DCC: variants seen among roughly 807,000 people sequenced by gnomAD.
The protein encoded by DCC is DCC netrin 1 receptor.
Under a neutral mutation model 172.5 loss-of-function variants are expected in DCC, and 58 were observed. That is an observed-to-expected ratio of 0.34 (90% CI 0.27 to 0.42). The LOEUF (loss-of-function observed/expected upper bound fraction) is 0.42, where lower values mean the gene tolerates loss of function less well. Among genes scored for constraint, DCC ranks in the 10% least tolerant of loss-of-function variants. The pLI is 1.00. For missense variants in DCC, 1,740 were observed against 1,791.0 expected, an observed-to-expected ratio of 0.97 and a Z score of 0.51; for synonymous variants, 709 against 644.5, an observed-to-expected ratio of 1.10 and a Z score of -1.52.
At chr18:52,880,801 T>C (rs2039474438) in intron 2 of DCC, among the ~76,000 whole-genome samples, 1 of 152,238 alleles carries the variant, frequency 6.6e-6, no homozygotes, top group African/African-American at 2.4e-5. Flanking sequence ...TTGGCTGTTG[T>C]GAACAGTGCT....
At chr18:53,499,717 C>T (rs1258100650) in intron 27 of DCC, among the ~76,000 whole-genome samples, 1 of 152,100 alleles carries the variant, frequency 6.6e-6, no homozygotes, top group East Asian at 1.9e-4. Context: ...AGGTGCTTTT[C>T]ATCCCTTTGG....
intron 1 of DCC, among the ~76,000 whole-genome samples, chr18:52,427,591 T>C (rs1987472094): frequency 6.6e-6 from 1 of 151,944 alleles, no homozygotes; most frequent in Non-Finnish European, 1.5e-5. Context: ...GGATCATCTG[T>C]TTTTAGGATG....
At chr18:52,357,381 G>A (rs1222322321) in intron 1 of DCC, among the ~76,000 whole-genome samples, 3 of 152,092 alleles carry the variant, frequency 2.0e-5, no homozygotes, top group African/African-American at 2.4e-5. Flanking sequence ...AAGGGACACA[G>A]AACCTAACTG....
intron 7 of DCC, among the ~76,000 whole-genome samples, chr18:53,114,670 T>C (rs973995063): frequency 6.6e-6 from 1 of 151,534 alleles, no homozygotes; most frequent in Non-Finnish European, 1.5e-5. Context: ...TGGTGGGTTA[T>C]TGACATGCAG....
intron 1 of DCC, among the ~76,000 whole-genome samples, chr18:52,456,304 A>G (rs546279069): frequency 1.3e-5 from 2 of 152,292 alleles, no homozygotes; most frequent in South Asian, 4.1e-4. Flanking sequence ...TAATAAATAG[A>G]CATTATATTG....
rs183056199 is a variant in DCC, at chr18:52,746,638, C to T, written c.92-5416C>T. On this transcript the variant is annotated intron_variant, in intron 1 of 28. Coordinates refer to ENST00000442544, the MANE Select transcript of DCC (RefSeq NM_005215.4). ...ATAAAGAGAGCAAGCACAAAGGGAC[C>T]AAGCTTAGAGAAATATTTGTACTAT... 2.7e-3 allele frequency among the ~76,000 whole-genome samples: 416 copies of T among 152,144 alleles called. 1 individual carries two copies. The highest frequency in any genetic ancestry group is 4.5e-3 in the Non-Finnish European group (305 of 67,984).
chr18:52,400,430 A>G (rs965433860), intron 1 of DCC, among the ~76,000 whole-genome samples: 1 of 152,096 alleles, frequency 6.6e-6, no homozygotes, highest in Non-Finnish European at 1.5e-5. Context: ...CGATTATTAA[A>G]AAGTCAGGAA....
intron 1 of DCC, among the ~76,000 whole-genome samples, chr18:52,616,079 A>G (rs925246671): frequency 1.5e-4 from 23 of 152,268 alleles, no homozygotes; most frequent in African/African-American, 4.8e-4. Context: ...TTACATTGTC[A>G]TATGTCTGTC....
chr18:52,753,341 G>T (rs1366533444), intron 2 of DCC, among the ~76,000 whole-genome samples: 1 of 152,168 alleles, frequency 6.6e-6, no homozygotes, highest in African/African-American at 2.4e-5. Flanking sequence ...TTAGAAAACA[G>T]TCATAGGACC....
chr18:52,783,146 GAAT>G (rs2037580459), intron 2 of DCC, among the ~76,000 whole-genome samples: 1 of 151,844 alleles, frequency 6.6e-6, no homozygotes, highest in African/African-American at 2.4e-5. Context: ...TCATTTAAGT[GAAT>G]AATAATTATA....
At chr18:53,077,206 T>TAG (rs1491456592) in intron 7 of DCC, among the ~76,000 whole-genome samples, 29 of 144,822 alleles carry the variant, frequency 2.0e-4, no homozygotes, top group African/African-American at 7.2e-4. Context: ...TGTTCACATG[T>TAG]ATATATATAT....
chr18:52,756,544 A>G (rs1367300022), intron 2 of DCC, among the ~76,000 whole-genome samples: 4 of 152,254 alleles, frequency 2.6e-5, no homozygotes, highest in Non-Finnish European at 4.4e-5. Context: ...ATATCTCAAT[A>G]GCCTACAAAT....
intron 1 of DCC, among the ~76,000 whole-genome samples, chr18:52,688,410 G>T (rs549129539): frequency 6.6e-6 from 1 of 152,186 alleles, no homozygotes; most frequent in East Asian, 1.9e-4. Flanking sequence ...ACTTACCCAG[G>T]TATGTGTGAC....
chr18:53,389,501 C>A (rs938568838), intron 16 of DCC, among the ~76,000 whole-genome samples: 6 of 152,166 alleles, frequency 3.9e-5, no homozygotes, highest in African/African-American at 1.4e-4. Context: ...TAGTGCTACA[C>A]AGGAAGTGAA....
At chr18:52,999,950 G>A (rs2041538806) in intron 5 of DCC, among the ~76,000 whole-genome samples, 1 of 152,074 alleles carries the variant, frequency 6.6e-6, no homozygotes, top group South Asian at 2.1e-4. Context: ...AGCCATGCAG[G>A]GAGAAGGCCA....
intron 2 of DCC, among the ~76,000 whole-genome samples, chr18:52,784,221 C>A (rs191023210): frequency 8.5e-4 from 129 of 150,892 alleles, no homozygotes; most frequent in African/African-American, 2.6e-3. Context: ...ACATAGCGAC[C>A]TCCATTTCTG....
rs746472556 is a variant in DCC at position 53,526,700 on chromosome 18, G to C, written c.4195G>C (p.Val1399Leu). The C allele has an allele frequency of 1.9e-6, 3 of 1,613,536 alleles. No homozygotes were observed. The highest frequency in any genetic ancestry group is 2.2e-5 in the East Asian group (1 of 44,850). ...KARSPLLPVS[V>L]PTAPEVSEES... ...AAGATCCCCTTTGCTTCCTGTGTCT[G>C]TGCCAACAGCCCCTGAAGTGTCTGA... Residue 1399 changes from valine to leucine, a missense_variant, in exon 28 of 29, where the codon GTG (valine) becomes CTG (leucine). Physicochemically the swap from Val to Leu is conservative, Grantham distance 32. Around this residue, in one of 2 missense-constraint regions of DCC, gnomAD observed 1,732 missense variants for 1,767.4 expected, o/e 0.98. Coordinates refer to ENST00000442544, the MANE Select transcript of DCC (RefSeq NM_005215.4).
intron 25 of DCC, among the ~76,000 whole-genome samples, chr18:53,472,839 C>A (rs919312103): frequency 6.6e-6 from 1 of 152,064 alleles, no homozygotes; most frequent in Non-Finnish European, 1.5e-5. Flanking sequence ...ATTTGTCTGC[C>A]AAGAAAAACA....
chr18:53,143,302 T>C (rs1314038279), intron 7 of DCC, among the ~76,000 whole-genome samples: 1 of 152,186 alleles, frequency 6.6e-6, no homozygotes, highest in African/African-American at 2.4e-5. Context: ...AATACAACTC[T>C]AGATAGTTAA....
Sources: gnomAD v4.1 joint callset for allele counts (sites outside exome capture counted in the v4.1 genomes callset) on GRCh38, gnomAD v4.1.1 for gene constraint, gnomAD v4.1.1 regional missense constraint, MANE v1.5 for transcripts, NCBI Gene and HGNC (gene_info 2026-07-23, HGNC 2026-07-21) for gene names.